The following ADAM23 variants were observed in gnomAD, a reference collection of about 807,000 sequenced individuals.
The protein encoded by ADAM23 is ADAM metallopeptidase domain 23.
In ADAM23, 33 loss-of-function variants were observed where a neutral mutation model predicts 120.1. The ratio of observed to expected loss-of-function variants is 0.27; its 90% CI spans 0.21 to 0.37. The LOEUF (loss-of-function observed/expected upper bound fraction) is 0.37. Among genes scored for constraint, ADAM23 ranks in the 10% least tolerant of loss-of-function variants. The pLI is 1.00. For synonymous variants in ADAM23, 367 were observed against 375.2 expected (o/e 0.98, Z 0.25); for missense variants, 862 against 1,058.2 (o/e 0.81, Z 2.57).
In ADAM23 at chr2:206,560,094, A is replaced by T. The variant is rs888911491; in HGVS notation, c.1145A>T (p.His382Leu). 4 of 1,614,056 alleles carry T rather than the reference A, an allele frequency of 2.5e-6. No individual in the cohort carries two copies. The highest frequency in any genetic ancestry group is 2.5e-6 in the Non-Finnish European group (3 of 1,179,926). The change falls in exon 11 of 26, where the codon CAT (histidine) becomes CTT (leucine). Residue 382 changes from histidine (H) to leucine (L), a missense_variant. By Grantham distance (99) the His-to-Leu change is moderately conservative. Around this residue, in one of 4 missense-constraint regions of ADAM23, gnomAD observed 617 missense variants for 813.5 expected, o/e 0.76. Transcript: ENST00000264377. ...AAATACCGGCAGCGCATTAAGCAGC[A>T]TGCTGATGCTGTGCACCTCATCTCG... The part of the protein sequence containing the change: ...FSKYRQRIKQ[H>L]ADAVHLISRV...
At chr2:206,537,891 A>G (rs969876419) in intron 4 of ADAM23, among the ~76,000 whole-genome samples, 35 of 152,354 alleles carry the variant, frequency 2.3e-4, no homozygotes, top group African/African-American at 8.2e-4. Context: ...TAAATCACTT[A>G]AATTAGATCC....
intron 9 of ADAM23, among the ~76,000 whole-genome samples, chr2:206,552,269 C>G (rs1009506224): frequency 6.6e-6 from 1 of 152,098 alleles, no homozygotes; most frequent in Non-Finnish European, 1.5e-5. Context: ...GTTCTCAAAC[C>G]TTTACTTGCA....
intron 25 of ADAM23, among the ~76,000 whole-genome samples, chr2:206,611,422 A>T (rs1436445515): frequency 4.0e-5 from 6 of 150,618 alleles, no homozygotes; most frequent in Non-Finnish European, 7.4e-5. Flanking sequence ...GGCGGACCTA[A>T]TTCAAGCAAA....
chr2:206,547,995 A>G (rs1252051323), intron 7 of ADAM23, among the ~76,000 whole-genome samples: 1 of 147,578 alleles, frequency 6.8e-6, no homozygotes, highest in African/African-American at 2.5e-5. Flanking sequence ...AATGAATTAG[A>G]CATAGTAGAA....
rs369893587 is a variant in ADAM23 at position 206,491,231 on chromosome 2, G to A, written c.509+9923G>A. 2.2e-4 allele frequency among the ~76,000 whole-genome samples: 33 copies of A among 152,182 alleles called. No individual in the cohort carries two copies. The East Asian group carries it at 4.1e-3, about 19-fold the overall frequency. ...CCCAGGGAGATTAAGCACCAGGCTA[G>A]AGAAATGAGGAGGGCCACAGGAGCC... On this transcript the variant is annotated intron_variant, in intron 3 of 25. Transcript: ENST00000264377.
intron 3 of ADAM23, among the ~76,000 whole-genome samples, chr2:206,498,812 A>G (rs1696316610): frequency 6.6e-6 from 1 of 152,196 alleles, no homozygotes; most frequent in Admixed American, 6.5e-5. Flanking sequence ...CAAGAAAAAA[A>G]CAACCCCATC....
intron 3 of ADAM23, among the ~76,000 whole-genome samples, chr2:206,493,200 A>G (rs1322141381): frequency 1.3e-5 from 2 of 152,204 alleles, no homozygotes; most frequent in Non-Finnish European, 2.9e-5. Context: ...TTTTAAAATT[A>G]ATTATAAATT....
chr2:206,453,117 C>T (rs1695230713), intron 2 of ADAM23, among the ~76,000 whole-genome samples: 1 of 152,158 alleles, frequency 6.6e-6, no homozygotes, highest in Non-Finnish European at 1.5e-5. Flanking sequence ...CTTCTTACAC[C>T]ACACATTTGC....
At chr2:206,578,048 G>A (rs116321338) in intron 18 of ADAM23, among the ~76,000 whole-genome samples, 1 of 152,252 alleles carries the variant, frequency 6.6e-6, no homozygotes, top group Non-Finnish European at 1.5e-5. Context: ...TTTTTTGGCT[G>A]CACAAGGTTT....
intron 23 of ADAM23, among the ~76,000 whole-genome samples, 191 bp from the exon 24 acceptor site, chr2:206,595,860 G>GA (rs1232945680): frequency 6.6e-6 from 1 of 151,836 alleles, no homozygotes; most frequent in East Asian, 1.9e-4. Context: ...TAATTAATGG[G>GA]AAAAAATGTT....
In ADAM23 at chr2:206,459,578, C is replaced by T. The variant is rs75460539; in HGVS notation, c.432+14054C>T. On this transcript the variant is annotated intron_variant, in intron 2 of 25. Coordinates refer to ENST00000264377, the MANE Select transcript of ADAM23 (RefSeq NM_003812.4). ...ATGAAACACTTGTTTGTGATGTAATCGTTTGAGAATCTTTGTTCTTTCACA... is the reference window on the plus strand; with the variant it reads ...ATGAAACACTTGTTTGTGATGTAATTGTTTGAGAATCTTTGTTCTTTCACA... 9.8e-3 allele frequency among the ~76,000 whole-genome samples: 1,485 copies of T among 152,254 alleles called. 6 individuals carry two copies. Among genetic ancestry groups the T allele is most frequent in the African/African-American group, 0.019 (808 of 41,550 alleles).
In ADAM23 at chr2:206,571,232, T is replaced by C. The variant is rs181210464; in HGVS notation, c.1566+421T>C. 1.2e-4 allele frequency among the ~76,000 whole-genome samples: 18 copies of C among 152,222 alleles called. No homozygotes were observed. In the East Asian group the frequency reaches 3.5e-3, roughly 29 times the overall value. On this transcript the variant is annotated intron_variant, in intron 16 of 25. Transcript: ENST00000264377. ...GGCTGACGCCTGTAATCCCAGCACT[T>C]TGGGAGGCCGAGGCGGGCAGATCAC...
chr2:206,466,874 A>G (rs1695551682), intron 2 of ADAM23, among the ~76,000 whole-genome samples: 1 of 152,194 alleles, frequency 6.6e-6, no homozygotes, highest in Non-Finnish European at 1.5e-5. Flanking sequence ...GGGAGGCCTC[A>G]GGAAACTTTT....
rs147526980 is a variant in ADAM23 at position 206,473,725 on chromosome 2, G to A, written c.433-7507G>A. 4.2e-3 allele frequency among the ~76,000 whole-genome samples: 638 copies of A among 151,100 alleles called. 6 individuals are homozygous for A. Among genetic ancestry groups the A allele is most frequent in the African/African-American group, 0.014 (595 of 41,176 alleles). Reference sequence around the variant, plus strand: ...CTTTTTGATCTAAGTGTTAATTCTCGGCCAGGCATGGTAGCTCACACCTAT... The same window carrying A: ...CTTTTTGATCTAAGTGTTAATTCTCAGCCAGGCATGGTAGCTCACACCTAT... On this transcript the variant is annotated intron_variant, in intron 2 of 25. Transcript: ENST00000264377.
At chr2:206,445,555 C>A in intron 2 of ADAM23, 31 bp downstream of exon 2, 3 of 1,562,800 alleles carry the variant, frequency 1.9e-6, no homozygotes, top group Non-Finnish European at 2.6e-6. Context: ...GCAAAAGTAA[C>A]TATCATGAAG....
At position 206,547,489 on chromosome 2, in the gene ADAM23, A is replaced by AGAATCTAAGAATCTAAGAATAC; in HGVS notation, c.781_782insGAATCTAAGAATCTAAGAATAC (p.Met261ArgfsTer3). 1.2e-6 allele frequency: 2 copies of AGAATCTAAGAATCTAAGAATAC among 1,611,576 alleles called. No homozygotes were observed. The highest frequency in any genetic ancestry group is 1.7e-6 in the Non-Finnish European group (2 of 1,178,074). ...CTTGGCAGGACAGTATTCTAAGCAA[A>AGAATCTAAGAATCTAAGAATAC]TGAAGAATCTCAGTAAGTTTTAACT... On this transcript the variant is annotated stop_gained and frameshift_variant, in exon 7 of 26. Coordinates refer to ENST00000264377, the MANE Select transcript of ADAM23 (RefSeq NM_003812.4). LOFTEE classifies it high-confidence loss of function.
intron 2 of ADAM23, among the ~76,000 whole-genome samples, chr2:206,453,147 C>T (rs1026809426): frequency 6.6e-6 from 1 of 152,202 alleles, no homozygotes; most frequent in Non-Finnish European, 1.5e-5. Flanking sequence ...CTCCTTTCAG[C>T]ACTTTTCCAG....
At chr2:206,475,163 T>G (rs1370485331) in intron 2 of ADAM23, among the ~76,000 whole-genome samples, 1 of 152,218 alleles carries the variant, frequency 6.6e-6, no homozygotes, top group African/African-American at 2.4e-5. Context: ...GGGTGCTGTG[T>G]TCTAGATAGA....
chr2:206,594,632 A>G (rs943701195), intron 22 of ADAM23, 105 bp from the exon 23 acceptor site: 4 of 1,289,302 alleles, frequency 3.1e-6, no homozygotes, highest in Non-Finnish European at 3.3e-6. Context: ...GGAGAAATCC[A>G]CATCCACTGA....
Sources: allele counts gnomAD v4.1 joint callset (sites outside exome capture counted in the v4.1 genomes callset), GRCh38; gene constraint gnomAD v4.1.1; regional missense constraint gnomAD v4.1.1; transcripts MANE v1.5; gene names NCBI Gene and HGNC (gene_info 2026-07-23, HGNC 2026-07-21).